FKTN: variants seen among roughly 807,000 people sequenced by gnomAD.
FKTN encodes ribitol-5-phosphate transferase FKTN.
FKTN carries 47 observed loss-of-function variants against 58.6 expected under a neutral mutation model. The ratio of observed to expected loss-of-function variants is 0.80; its 90% confidence interval spans 0.63 to 1.02. FKTN has a LOEUF of 1.02. FKTN is among the 50% of genes least tolerant of loss of function. The pLI is 0.00. For missense variants in FKTN, 516 were observed against 537.3 expected (o/e 0.96, Z 0.39); for synonymous variants, 178 against 191.9 (o/e 0.93, Z 0.60).
At chr9:105,586,807 T>C (rs1843994162) in intron 3 of FKTN, among the ~76,000 whole-genome samples, 1 of 152,238 alleles carries the variant, frequency 6.6e-6, no homozygotes, top group African/African-American at 2.4e-5. Context: ...CTAGTACTTT[T>C]AAGGTTTACA....
chr9:105,561,253 G>A (rs1483205690), intron 1 of FKTN, among the ~76,000 whole-genome samples: 1 of 152,048 alleles, frequency 6.6e-6, no homozygotes, highest in Non-Finnish European at 1.5e-5. Flanking sequence ...CAGCCTGGGT[G>A]ACAGAGCAAG....
chr9:105,581,421 C>G (rs1221616966), intron 3 of FKTN, among the ~76,000 whole-genome samples: 1 of 149,516 alleles, frequency 6.7e-6, no homozygotes, highest in African/African-American at 2.5e-5. Context: ...TTGGAGTACC[C>G]TGCCTTGTGA....
intron 3 of FKTN, among the ~76,000 whole-genome samples, chr9:105,595,094 A>G (rs1826519267): frequency 6.6e-6 from 1 of 152,194 alleles, no homozygotes; most frequent in Admixed American, 6.5e-5. Context: ...GGCCACATAT[A>G]TGATTCCATT....
chr9:105,639,682 T>A lies in FKTN; in HGVS notation c.*4418T>A, dbSNP rs1318718223. ...ATCAAGTCATTAATACAATTATACA[T>A]TAATTATATTACATTAATACAATAT... is the stretch of plus-strand genomic sequence containing the variant. On this transcript the variant is annotated 3_prime_UTR_variant, in exon 11 of 11. Coordinates refer to ENST00000357998, the MANE Select transcript of FKTN (RefSeq NM_001079802.2). 2.2e-6 allele frequency: 2 copies of A among 920,564 alleles called. No individual in the cohort carries two copies. Among genetic ancestry groups the A allele is most frequent in the Non-Finnish European group, 2.6e-6 (2 of 770,192 alleles). The allele number at this position is 920,564 out of a possible 1,614,324, so 57.0% of individuals were successfully genotyped here.
intron 3 of FKTN, among the ~76,000 whole-genome samples, chr9:105,578,598 C>T (rs1330299643): frequency 2.6e-5 from 4 of 151,530 alleles, no homozygotes; most frequent in African/African-American, 9.7e-5. Context: ...ATTTTTGCAT[C>T]AATGTTCATC....
At position 105,635,381 on chromosome 9, in the gene FKTN, T is replaced by G; in HGVS notation, c.*117T>G. Reference sequence around the variant, plus strand: ...GAACCAAAGAAAAAATGTGACAAGTTTGAAGACACAGAAAGAGTCATCTGA... The same window carrying G: ...GAACCAAAGAAAAAATGTGACAAGTGTGAAGACACAGAAAGAGTCATCTGA... On this transcript the variant is annotated 3_prime_UTR_variant, in exon 11 of 11. Coordinates refer to ENST00000357998, the MANE Select transcript of FKTN (RefSeq NM_001079802.2). The G allele has an allele frequency of 1.3e-6, 2 of 1,536,344 alleles. No individual in the cohort carries two copies. Among genetic ancestry groups the G allele is most frequent in the Non-Finnish European group, 1.7e-6 (2 of 1,143,452 alleles).
chr9:105,620,205 G>A lies in FKTN; in HGVS notation c.1172+144G>A, dbSNP rs1017932472. ...AACACTTTCTTAGCTTACCCATAGA[G>A]TCCAGTTATGCCTGTGAAGTAAGAA... On this transcript the variant is annotated intron_variant, in intron 10 of 10. Transcript: ENST00000357998. The A allele has an allele frequency of 1.4e-5, 9 of 656,822 alleles. No homozygotes were observed. The South Asian group carries it at 1.6e-4, about 12-fold the overall frequency. The allele number at this position is 656,822 out of a possible 1,614,324, so 40.7% of individuals were successfully genotyped here.
intron 3 of FKTN, among the ~76,000 whole-genome samples, chr9:105,594,920 CA>C (rs1826482217): frequency 6.6e-6 from 1 of 152,116 alleles, no homozygotes; most frequent in African/African-American, 2.4e-5. Flanking sequence ...TTTCCGATTG[CA>C]TTTTTCATAA....
At chr9:105,574,103 C>G (rs533889724) in intron 2 of FKTN, 2 of 152,130 alleles carry the variant, frequency 1.3e-5, no homozygotes, top group East Asian at 3.9e-4. Flanking sequence ...TACAATAGAA[C>G]TGTAACATGT....
intron 10 of FKTN, among the ~76,000 whole-genome samples, chr9:105,626,730 AT>A (rs1018615298): frequency 6.6e-6 from 1 of 152,122 alleles, no homozygotes; most frequent in African/African-American, 2.4e-5. Flanking sequence ...ATTGCCCCAC[AT>A]TTTTACCAAC....
Position 105,639,092 on chromosome 9 carries a change from G to A in FKTN, c.*3828G>A, listed in dbSNP as rs944340916. 2 of 985,066 alleles carry A rather than the reference G, an allele frequency of 2.0e-6. No homozygotes were observed. Among genetic ancestry groups the A allele is most frequent in the Non-Finnish European group, 2.4e-6 (2 of 829,680 alleles). The allele number at this position is 985,066 out of a possible 1,614,324, so 61.0% of individuals were successfully genotyped here. A position where few individuals can be genotyped will look rare whatever the true frequency, so the allele number is the denominator to read the frequency against. The stretch of plus-strand genomic sequence containing the variant: ...AATCCTAAATGTTATAAATCCTTAG[G>A]AGAAATATTCCCTCAAAACCTAGTC... On this transcript the variant is annotated 3_prime_UTR_variant, in exon 11 of 11. Transcript: ENST00000357998.
rs185920064 is a variant in FKTN at position 105,566,541 on chromosome 9, C to T, written c.-180-7114C>T. Among the ~76,000 whole-genome samples, 532 of 152,192 alleles carry T rather than the reference C, an allele frequency of 3.5e-3. 5 individuals carry two copies. Among genetic ancestry groups the T allele is most frequent in the African/African-American group, 0.012 (499 of 41,508 alleles). Reference sequence around the variant, plus strand: ...CCTCTACACAAATAAACTAGAAAATCTAGAAGAAATGGATAAATTCCTTGA... The same window carrying T: ...CCTCTACACAAATAAACTAGAAAATTTAGAAGAAATGGATAAATTCCTTGA... On this transcript the variant is annotated intron_variant, in intron 1 of 10. Transcript: ENST00000357998.
chr9:105,584,789 C>G (rs528569238), intron 3 of FKTN, among the ~76,000 whole-genome samples: 2 of 152,134 alleles, frequency 1.3e-5, no homozygotes, highest in East Asian at 3.9e-4. Context: ...CCACTGCACT[C>G]CAGCCTGGGT....
At chr9:105,593,238 G>A (rs1845230350) in intron 3 of FKTN, among the ~76,000 whole-genome samples, 1 of 152,150 alleles carries the variant, frequency 6.6e-6, no homozygotes, top group African/African-American at 2.4e-5. Context: ...AAGAGAGAGA[G>A]GGAGGAGGTG....
Position 105,640,324 on chromosome 9 carries a change from G to T in FKTN, c.*5060G>T. ...CCAGCAGTTTGAGAAGCTAAGGCAG[G>T]TGGATCACTTGAGGCCAGGAGTTCG... On this transcript the variant is annotated 3_prime_UTR_variant, in exon 11 of 11. Transcript: ENST00000357998. 1.6e-6 allele frequency: 1 copy of T among 612,438 alleles called. No individual in the cohort carries two copies. Among genetic ancestry groups the T allele is most frequent in the South Asian group, 2.9e-5 (1 of 34,002 alleles). 37.9% of individuals were successfully genotyped at this position (612,438 alleles called of 1,614,324 possible). A position where few individuals can be genotyped will look rare whatever the true frequency, so the allele number is the denominator to read the frequency against.
At chr9:105,582,392 C>G (rs1006060965) in intron 3 of FKTN, among the ~76,000 whole-genome samples, 3 of 152,150 alleles carry the variant, frequency 2.0e-5, no homozygotes, top group Non-Finnish European at 4.4e-5. Context: ...GACGGGGTCT[C>G]GCTGTGTTGC....
chr9:105,619,102 C>G (rs1419746499), intron 9 of FKTN, among the ~76,000 whole-genome samples: 2 of 150,704 alleles, frequency 1.3e-5, no homozygotes, highest in African/African-American at 4.9e-5. Flanking sequence ...ATTATTTTTT[C>G]CATCATAAAT....
Position 105,604,342 on chromosome 9 carries a change from T to A in FKTN, c.497T>A (p.Leu166Gln), listed in dbSNP as rs924251570. The A allele has an allele frequency of 6.2e-7, 1 of 1,614,158 alleles. No homozygotes were observed. ...ATCCCCCTGCACTATATCTGCAAACTGGCCACTCATGCGATCCACTTGGTA... is the reference window on the plus strand; with the variant it reads ...ATCCCCCTGCACTATATCTGCAAACAGGCCACTCATGCGATCCACTTGGTA... ...TEIPLHYICK[L>Q]ATHAIHLVVF... Residue 166 changes from leucine to glutamine, a missense_variant, in exon 6 of 11, where the codon CTG (leucine) becomes CAG (glutamine). Physicochemically the swap from Leu to Gln is moderately radical, Grantham distance 113. Coordinates refer to ENST00000357998, the MANE Select transcript of FKTN (RefSeq NM_001079802.2).
chr9:105,590,106 C>T lies in FKTN; in HGVS notation c.106-6492C>T, dbSNP rs138888325. On this transcript the variant is annotated intron_variant, in intron 3 of 10. Transcript: ENST00000357998. ...TGAGAATAGATTGGCTGTGTTGCCA[C>T]CCAAATCTCATCTTTAATTGTAGCT... Among the ~76,000 whole-genome samples, 567 of 152,276 alleles carry T rather than the reference C, an allele frequency of 3.7e-3. 6 individuals are homozygous for T. Among genetic ancestry groups the T allele is most frequent in the African/African-American group, 0.013 (524 of 41,534 alleles).
Sources: gnomAD v4.1 joint callset for allele counts (sites outside exome capture counted in the v4.1 genomes callset) on GRCh38, gnomAD v4.1.1 for gene constraint, MANE v1.5 for transcripts, NCBI Gene and HGNC (gene_info 2026-07-23, HGNC 2026-07-21) for gene names.